RBMS3: variants seen among roughly 807,000 people sequenced by gnomAD.
The protein encoded by RBMS3 is RNA binding motif single stranded interacting protein 3.
RBMS3 carries 27 observed loss-of-function variants against 66.8 expected under a neutral mutation model. That is an observed-to-expected ratio of 0.40 (90% CI 0.30 to 0.56). The LOEUF is 0.56. Ranked by LOEUF, RBMS3 falls within the 20% of genes least tolerant of loss-of-function variation. RBMS3 has a pLI of 0.40. For missense variants in RBMS3, 513 were observed against 549.5 expected (o/e 0.93, Z 0.66); for synonymous variants, 188 against 183.0 (o/e 1.03, Z -0.22).
At chr3:29,715,390 C>T (rs1299895634) in intron 4 of RBMS3, among the ~76,000 whole-genome samples, 1 of 152,098 alleles carries the variant, frequency 6.6e-6, no homozygotes, top group Admixed American at 6.6e-5. Flanking sequence ...GTTTTTGTAA[C>T]TCAAATCCTA....
At chr3:29,989,312 GA>G (rs1388528884) in intron 13 of RBMS3, among the ~76,000 whole-genome samples, 4 of 152,154 alleles carry the variant, frequency 2.6e-5, no homozygotes, top group African/African-American at 9.6e-5. Flanking sequence ...GAGCTATGCA[GA>G]TGGTGGTAAA....
intron 6 of RBMS3, among the ~76,000 whole-genome samples, chr3:29,772,191 G>T (rs1414855235): frequency 6.6e-6 from 1 of 151,978 alleles, no homozygotes; most frequent in East Asian, 1.9e-4. Context: ...AGAGCCTCCA[G>T]AAATAAACTT....
rs1275114674 is a variant in RBMS3, at chr3:30,004,799, G to C, written c.*937G>C. 3 of 151,982 alleles carry C rather than the reference G, an allele frequency of 2.0e-5. No homozygotes were observed. Among genetic ancestry groups the C allele is most frequent in the Middle Eastern group, 3.4e-3 (1 of 294 alleles). The allele number at this position is 151,982 out of a possible 1,614,324, so 9.4% of individuals were successfully genotyped here. ...AGCGTGATCGCTAGCAAAAGCATTAGTGCTTTTTATCTGCAGTCTTTTTTA... is the reference window on the plus strand; with the variant it reads ...AGCGTGATCGCTAGCAAAAGCATTACTGCTTTTTATCTGCAGTCTTTTTTA... On this transcript the variant is annotated 3_prime_UTR_variant, in exon 15 of 15. Transcript: ENST00000383767.
intron 4 of RBMS3, among the ~76,000 whole-genome samples, chr3:29,692,258 A>G (rs1028518629): frequency 3.9e-5 from 6 of 151,980 alleles, no homozygotes; most frequent in African/African-American, 1.5e-4. Flanking sequence ...CTAGGATTAC[A>G]GGTGTGAGCC....
At position 29,988,281 on chromosome 3, in the gene RBMS3, C is replaced by CTGTAGTCCCCCATAACCATAGG. The variant is rs1698573618; in HGVS notation, c.1179+59_1179+80dup. The CTGTAGTCCCCCATAACCATAGG allele has an allele frequency of 5.3e-5, 74 of 1,397,174 alleles. No homozygotes were observed. In the South Asian group the frequency reaches 8.2e-4, roughly 15 times the overall value. The allele number at this position is 1,397,174 out of a possible 1,614,324, so 86.5% of individuals were successfully genotyped here. ...AAGAAATAAATCTCAGTCACATATA[C>CTGTAGTCCCCCATAACCATAGG]TGTAGTCCCCCATAACCATAGGAAT... On this transcript the variant is annotated intron_variant, in intron 13 of 14. Transcript: ENST00000383767.
rs573294413 is a variant in RBMS3, at chr3:29,516,781, A to C, written c.307+28282A>C. 1.3e-3 allele frequency among the ~76,000 whole-genome samples: 195 copies of C among 152,366 alleles called. 1 individual carries two copies. The highest frequency in any genetic ancestry group is 8.8e-5 in the Non-Finnish European group (6 of 68,044). ...GAGAAAGGGGAGCAATATCACAAAA[A>C]TTAGGAGTAATATTTTTAAAATGAA... On this transcript the variant is annotated intron_variant, in intron 3 of 14. Coordinates refer to ENST00000383767, the MANE Select transcript of RBMS3 (RefSeq NM_001003793.3).
chr3:29,452,762 T>C (rs2042056262), intron 2 of RBMS3, among the ~76,000 whole-genome samples: 12 of 152,166 alleles, frequency 7.9e-5, no homozygotes, highest in Admixed American at 7.9e-4. Flanking sequence ...TGCAATAAAA[T>C]GGAAAGAAAC....
At chr3:29,703,935 C>A (rs747350138) in intron 4 of RBMS3, among the ~76,000 whole-genome samples, 5 of 152,116 alleles carry the variant, frequency 3.3e-5, no homozygotes, top group Non-Finnish European at 5.9e-5. Context: ...AGATCAGTGG[C>A]ACCATTTGAT....
rs187721701 is a variant in RBMS3, at chr3:29,856,573, T to A, written c.638-12285T>A. Among the ~76,000 whole-genome samples, 7 of 152,296 alleles carry A rather than the reference T, an allele frequency of 4.6e-5. No individual in the cohort carries two copies. In the East Asian group the frequency reaches 1.4e-3, roughly 29 times the overall value. ...TAGAAAGGTCTATTGACAATTTGAA[T>A]CCATATAAGATACCTTTAGTGCTCA... is the stretch of plus-strand genomic sequence containing the variant. On this transcript the variant is annotated intron_variant, in intron 6 of 14. Transcript: ENST00000383767.
intron 6 of RBMS3, among the ~76,000 whole-genome samples, chr3:29,802,825 AGTTG>A (rs1308353831): frequency 6.6e-6 from 1 of 152,154 alleles, no homozygotes; most frequent in East Asian, 1.9e-4. Context: ...CATCCGGTGT[AGTTG>A]TAACATTTAT....
At position 29,877,757 on chromosome 3, in the gene RBMS3, A is replaced by G. The variant is rs557931590; in HGVS notation, c.745-6405A>G. Among the ~76,000 whole-genome samples the G allele has an allele frequency of 3.3e-5, 5 of 152,294 alleles. No homozygotes were observed. In the South Asian group the frequency reaches 1.0e-3, roughly 32 times the overall value. On this transcript the variant is annotated intron_variant, in intron 7 of 14. Transcript: ENST00000383767. ...GACTGTGCCGGAGTTGTTCCCCGGT[A>G]AAATTCTACCACTTGACTCTTATGA...
At chr3:29,527,181 T>TAAAAAAAAA (rs538907247) in intron 3 of RBMS3, among the ~76,000 whole-genome samples, 2 of 87,822 alleles carry the variant, frequency 2.3e-5, no homozygotes, top group African/African-American at 4.7e-5. Flanking sequence ...TTAGGTAGAG[T>TAAAAAAAAA]AAAAAAAAAA....
intron 3 of RBMS3, among the ~76,000 whole-genome samples, chr3:29,558,951 T>C (rs1365080741): frequency 6.6e-6 from 1 of 152,124 alleles, no homozygotes; most frequent in African/African-American, 2.4e-5. Context: ...ATCATTTTAG[T>C]CACTGAAATA....
At chr3:29,878,961 T>C (rs759865763) in intron 7 of RBMS3, among the ~76,000 whole-genome samples, 1 of 152,040 alleles carries the variant, frequency 6.6e-6, no homozygotes, top group Non-Finnish European at 1.5e-5. Flanking sequence ...GGCAGGAGGA[T>C]TGCTAGAGCC....
At chr3:29,707,789 G>A (rs970833009) in intron 4 of RBMS3, among the ~76,000 whole-genome samples, 6 of 152,220 alleles carry the variant, frequency 3.9e-5, no homozygotes, top group African/African-American at 1.2e-4. Context: ...GGAATGGAAA[G>A]ACTATCAAGT....
chr3:29,932,908 G>A (rs2061167851), intron 10 of RBMS3, among the ~76,000 whole-genome samples: 1 of 152,152 alleles, frequency 6.6e-6, no homozygotes, highest in Non-Finnish European at 1.5e-5. Context: ...TGTCTCTTGA[G>A]TGGGAGCAGC....
At chr3:29,723,421 C>T (rs2149324281) in intron 4 of RBMS3, among the ~76,000 whole-genome samples, 1 of 152,170 alleles carries the variant, frequency 6.6e-6, no homozygotes, top group Admixed American at 6.6e-5. Flanking sequence ...TTATCTTTTT[C>T]CTCTTTTGTC....
chr3:29,690,899 A>G (rs920073662), intron 4 of RBMS3, among the ~76,000 whole-genome samples: 2 of 152,230 alleles, frequency 1.3e-5, no homozygotes, highest in Non-Finnish European at 2.9e-5. Context: ...CATGGAACTG[A>G]AAATCTGTCT....
At chr3:29,647,275 G>A (rs1039986325) in intron 4 of RBMS3, among the ~76,000 whole-genome samples, 3 of 152,132 alleles carry the variant, frequency 2.0e-5, no homozygotes, top group South Asian at 2.1e-4. Flanking sequence ...CACCGTGCAC[G>A]GCCTCTTTTC....
Sources: allele counts gnomAD v4.1 joint callset (sites outside exome capture counted in the v4.1 genomes callset), GRCh38; gene constraint gnomAD v4.1.1; transcripts MANE v1.5; gene names NCBI Gene and HGNC (gene_info 2026-07-23, HGNC 2026-07-21).